SORCS3: variants seen among roughly 807,000 people sequenced by gnomAD.
SORCS3 encodes the protein sortilin related VPS10 domain containing receptor 3.
Under a neutral mutation model 146.3 loss-of-function variants are expected in SORCS3, and 57 were observed. The ratio of observed to expected loss-of-function variants is 0.39; its 90% CI spans 0.31 to 0.49. The LOEUF (loss-of-function observed/expected upper bound fraction) is 0.49. SORCS3 is among the 20% of genes least tolerant of loss of function. The probability of loss-of-function intolerance (pLI) is 0.92; values close to 1 mark genes in which losing one functional copy is unlikely to be tolerated. For synonymous variants in SORCS3, 653 were observed against 618.5 expected (o/e 1.06, Z -0.83); for missense variants, 1,341 against 1,575.5 (o/e 0.85, Z 2.52).
At chr10:105,207,855 A>G (rs1211674631) in intron 16 of SORCS3, among the ~76,000 whole-genome samples, 2 of 152,196 alleles carry the variant, frequency 1.3e-5, no homozygotes, top group Non-Finnish European at 2.9e-5. Context: ...TATATTTAGC[A>G]AAGACCATTA....
rs570157958 is a variant in SORCS3, at chr10:104,760,697, A to G, written c.628-82095A>G. 5.3e-5 allele frequency among the ~76,000 whole-genome samples: 8 copies of G among 152,318 alleles called. No individual in the cohort carries two copies. The East Asian group carries it at 1.5e-3, about 29-fold the overall frequency. On this transcript the variant is annotated intron_variant, in intron 1 of 26. Coordinates refer to ENST00000369701, the MANE Select transcript of SORCS3 (RefSeq NM_014978.3). ...ATTGGAAAATTGACATGAGAGGCAG[A>G]CACTGTGATGGCAATATGACGTGAC...
intron 19 of SORCS3, chr10:105,217,892 C>T (rs1246641941): frequency 2.2e-6 from 1 of 454,076 alleles, no homozygotes. Context: ...TGGTTTCCCA[C>T]ATGTGTATCA....
chr10:104,751,729 C>G (rs537416253), intron 1 of SORCS3, among the ~76,000 whole-genome samples: 1 of 151,456 alleles, frequency 6.6e-6, no homozygotes, highest in Non-Finnish European at 1.5e-5. Context: ...ATAATCCCAT[C>G]GCAGGGAAGG....
intron 5 of SORCS3, among the ~76,000 whole-genome samples, chr10:105,088,006 C>A (rs947493533): frequency 1.3e-5 from 2 of 152,114 alleles, no homozygotes; most frequent in Non-Finnish European, 2.9e-5. Context: ...GCTTTGGGAG[C>A]AGGGAAAGGG....
intron 1 of SORCS3, among the ~76,000 whole-genome samples, chr10:104,714,589 T>G (rs2016455886): frequency 6.6e-6 from 1 of 152,228 alleles, no homozygotes; most frequent in African/African-American, 2.4e-5. Flanking sequence ...TGGTTTCTAG[T>G]CTAATTCCAC....
chr10:105,015,672 T>G (rs1358042633), intron 4 of SORCS3, among the ~76,000 whole-genome samples: 9 of 152,140 alleles, frequency 5.9e-5, no homozygotes, highest in Admixed American at 5.9e-4. Context: ...ACTCACCTTT[T>G]GGGTTCAGGA....
chr10:105,163,872 A>C (rs2056287800), intron 11 of SORCS3, among the ~76,000 whole-genome samples: 1 of 139,998 alleles, frequency 7.1e-6, no homozygotes, highest in African/African-American at 2.9e-5. Context: ...ACAGACACAC[A>C]GTTACGCACA....
rs562477422 is a variant in SORCS3 at position 104,678,621 on chromosome 10, A to C, written c.627+36667A>C. On this transcript the variant is annotated intron_variant, in intron 1 of 26. Coordinates refer to ENST00000369701, the MANE Select transcript of SORCS3 (RefSeq NM_014978.3). ...CATGTGCTCAGGACTTGCTGCCCCT[A>C]CTGTTAGCCTCCTGAGGGCAGGGAC... Among the ~76,000 whole-genome samples, 5 of 152,300 alleles carry C rather than the reference A, an allele frequency of 3.3e-5. No individual in the cohort carries two copies. In the South Asian group the frequency reaches 1.0e-3, roughly 32 times the overall value.
At position 105,021,530 on chromosome 10, in the gene SORCS3, G is replaced by A. The variant is rs114300750; in HGVS notation, c.955-21525G>A. 0.013 allele frequency among the ~76,000 whole-genome samples: 2,027 copies of A among 152,210 alleles called. 81 individuals carry two copies. The East Asian group carries it at 0.15, about 11-fold the overall frequency. ...TTTTCTTTGCTCTTTTAGAATTCAA[G>A]CGCTCTTTTCCTCTACCTGAACTCT... is the stretch of plus-strand genomic sequence containing the variant. On this transcript the variant is annotated intron_variant, in intron 4 of 26. Transcript: ENST00000369701.
At chr10:105,130,157 T>TTCTC in intron 7 of SORCS3, among the ~76,000 whole-genome samples, 1 of 110,830 alleles carries the variant, frequency 9.0e-6, no homozygotes. Context: ...TTGATAGTAC[T>TTCTC]AATATCTGTT....
chr10:104,729,966 AC>A (rs1429968735), intron 1 of SORCS3, among the ~76,000 whole-genome samples: 3 of 152,172 alleles, frequency 2.0e-5, no homozygotes, highest in African/African-American at 7.2e-5. Context: ...AGAGAACTTG[AC>A]CTTATCAAGT....
At chr10:104,655,243 G>A (rs1377010778) in intron 1 of SORCS3, among the ~76,000 whole-genome samples, 5 of 85,978 alleles carry the variant, frequency 5.8e-5, no homozygotes, top group Non-Finnish European at 8.0e-5. Context: ...ACAGAGCTCC[G>A]TCTCAAAAAA....
intron 23 of SORCS3, 102 bp downstream of exon 23, chr10:105,253,008 T>G (rs2056910380): frequency 1.5e-6 from 2 of 1,367,296 alleles, no homozygotes; most frequent in South Asian, 2.8e-5. Flanking sequence ...TCTCTTCCAT[T>G]ACCCCAACAG....
chr10:105,242,662 A>ATATACATT (rs2056838532), intron 20 of SORCS3, among the ~76,000 whole-genome samples: 1 of 103,048 alleles, frequency 9.7e-6, no homozygotes, highest in Non-Finnish European at 1.7e-5. Context: ...ATATACATTT[A>ATATACATT]TATATATTTA....
At chr10:104,903,934 T>C (rs898526533) in intron 2 of SORCS3, among the ~76,000 whole-genome samples, 4 of 152,204 alleles carry the variant, frequency 2.6e-5, no homozygotes, top group African/African-American at 9.6e-5. Flanking sequence ...TTGTTTTGTT[T>C]TGGAAACTAT....
intron 8 of SORCS3, among the ~76,000 whole-genome samples, chr10:105,141,184 T>C (rs997653090): frequency 4.7e-4 from 71 of 152,196 alleles, no homozygotes; most frequent in African/African-American, 1.5e-3. Flanking sequence ...AATGAGGCCC[T>C]GAATTGATCA....
intron 21 of SORCS3, among the ~76,000 whole-genome samples, chr10:105,246,162 G>A (rs925158988): frequency 6.6e-6 from 1 of 152,058 alleles, no homozygotes; most frequent in African/African-American, 2.4e-5. Flanking sequence ...TATAAGTTAG[G>A]ACTAGGGCAG....
intron 3 of SORCS3, among the ~76,000 whole-genome samples, chr10:104,944,462 C>A (rs2019349599): frequency 6.6e-6 from 1 of 152,126 alleles, no homozygotes; most frequent in Non-Finnish European, 1.5e-5. Context: ...GTGTCTGTAT[C>A]TGGCAGAGTA....
intron 7 of SORCS3, among the ~76,000 whole-genome samples, chr10:105,116,527 T>C (rs1159409828): frequency 6.6e-6 from 1 of 152,178 alleles, no homozygotes; most frequent in Non-Finnish European, 1.5e-5. Context: ...AGCAATGCCA[T>C]TATTGGGTAT....
Sources: gnomAD v4.1 joint callset for allele counts (sites outside exome capture counted in the v4.1 genomes callset) on GRCh38, gnomAD v4.1.1 for gene constraint, MANE v1.5 for transcripts, NCBI Gene and HGNC (gene_info 2026-07-23, HGNC 2026-07-21) for gene names.